The following OTOGL variants were observed in gnomAD, a reference collection of about 807,000 sequenced individuals.
The protein encoded by OTOGL is otogelin-like protein.
Under a neutral mutation model 318.5 loss-of-function variants are expected in OTOGL, and 285 were observed. That is an observed-to-expected ratio of 0.89 (90% confidence interval 0.81 to 0.99). The LOEUF (loss-of-function observed/expected upper bound fraction) is 0.99. OTOGL is among the 50% of genes least tolerant of loss of function. The pLI, the probability that OTOGL is intolerant of heterozygous loss-of-function variation, is 0.00. For synonymous variants in OTOGL, 987 were observed against 936.5 expected (o/e 1.05, Z -0.99); for missense variants, 2,899 against 2,845.6 (o/e 1.02, Z -0.43).
At chr12:80,131,867 G>A (rs1871261486) in intron 1 of OTOGL, 2 of 152,182 alleles carry the variant, frequency 1.3e-5, no homozygotes, top group African/African-American at 2.4e-5. Context: ...TAAGTATAGA[G>A]TGGGAACTCA....
intron 1 of OTOGL, among the ~76,000 whole-genome samples, chr12:80,203,971 T>C (rs1244910): frequency 0.93 from 142,295 of 152,270 alleles, 66,618 homozygotes; most frequent in East Asian, 1. Flanking sequence ...AGCTGATAAG[T>C]TTATCTTGTT....
At chr12:80,183,476 G>C (rs1875074038) in intron 1 of OTOGL, among the ~76,000 whole-genome samples, 1 of 152,192 alleles carries the variant, frequency 6.6e-6, no homozygotes, top group African/African-American at 2.4e-5. Context: ...GAATCAGGAT[G>C]TTTTTGGGAG....
intron 37 of OTOGL, among the ~76,000 whole-genome samples, chr12:80,331,892 G>A (rs559486517): frequency 1.4e-4 from 21 of 152,224 alleles, no homozygotes; most frequent in Admixed American, 6.5e-5. Context: ...GTCAGGGAAG[G>A]TGATGTGACA....
intron 1 of OTOGL, among the ~76,000 whole-genome samples, chr12:80,100,821 T>C (rs1241829964): frequency 1.3e-5 from 2 of 152,216 alleles, no homozygotes; most frequent in African/African-American, 4.8e-5. Context: ...AATCCTTTCC[T>C]ACTTTTGTTT....
intron 26 of OTOGL, among the ~76,000 whole-genome samples, chr12:80,283,494 C>T (rs185797179): frequency 2.1e-4 from 32 of 152,088 alleles, no homozygotes; most frequent in Admixed American, 2.0e-3. Flanking sequence ...TTAAGCAGCT[C>T]ATTATATTCT....
chr12:80,311,694 A>C (rs1407895006), intron 30 of OTOGL, among the ~76,000 whole-genome samples: 4 of 152,222 alleles, frequency 2.6e-5, no homozygotes, highest in Non-Finnish European at 5.9e-5. Context: ...GGCGTGAACC[A>C]CTGCGCCCGG....
chr12:80,271,531 T>A, intron 23 of OTOGL, 117 bp from the exon 24 acceptor site: 1 of 979,670 alleles, frequency 1.0e-6, no homozygotes, highest in Non-Finnish European at 1.5e-6. Flanking sequence ...GGAAGGCAGC[T>A]AACATTCTCA....
chr12:80,371,944 G>T, intron 56 of OTOGL, 75 bp from the exon 57 acceptor site: 1 of 960,270 alleles, frequency 1.0e-6, no homozygotes, highest in South Asian at 2.1e-5. Flanking sequence ...AGAAAAGTTA[G>T]TTTTCTTTTT....
chr12:80,347,672 G>T (rs959656799), intron 44 of OTOGL, among the ~76,000 whole-genome samples: 2 of 151,970 alleles, frequency 1.3e-5, no homozygotes, highest in South Asian at 2.1e-4. Context: ...GGTATTTCTG[G>T]TTCTAGATCC....
chr12:80,257,889 G>A lies in OTOGL; in HGVS notation c.1776G>A (p.Lys592=). 2.5e-6 allele frequency: 4 copies of A among 1,596,126 alleles called. No homozygotes were observed. In the South Asian group the frequency reaches 4.4e-5, roughly 18 times the overall value. Reference sequence around the variant, plus strand: ...TTCTAAAAACCACATTTGGTTTAAAGATTCTGTTTGCTATAGATGGGGAAA... The same window carrying A: ...TTCTAAAAACCACATTTGGTTTAAAAATTCTGTTTGCTATAGATGGGGAAA... ...FILLKTTFGL[K]ILFAIDGERI... is the part of the protein sequence containing the mutation. The change falls in exon 18 of 59, where the codon AAG becomes AAA. Residue 592 remains lysine, a synonymous_variant. Transcript: ENST00000547103.
In OTOGL at chr12:80,112,663, T is replaced by G. The variant is rs538409215; in HGVS notation, c.-20+13058T>G. Reference sequence around the variant, plus strand: ...CAGTTTGCCAGTATTTTATTGAGGATTTTTGCACTGATGTTCATTAGGGAT... The same window carrying G: ...CAGTTTGCCAGTATTTTATTGAGGAGTTTTGCACTGATGTTCATTAGGGAT... On this transcript the variant is annotated intron_variant, in intron 1 of 58. Coordinates refer to ENST00000547103, the MANE Select transcript of OTOGL (RefSeq NM_001378609.3). 1.9e-4 allele frequency among the ~76,000 whole-genome samples: 29 copies of G among 152,216 alleles called. 1 individual carries two copies. In the South Asian group the frequency reaches 6.0e-3, roughly 32 times the overall value.
Position 80,256,442 on chromosome 12 carries a change from C to G in OTOGL, c.1693C>G (p.Gln565Glu), listed in dbSNP as rs771888771. The G allele has an allele frequency of 1.3e-5, 21 of 1,583,154 alleles. No homozygotes were observed. In the South Asian group the frequency reaches 2.1e-4, roughly 16 times the overall value. ...RGGQILTSPN[Q>E]GFNLNGIVEI... ...AGGACAAATTCTCACTAGTCCTAACCAAGGCTTCAACCTGAATGGTAAGAA... is the reference window on the plus strand; with the variant it reads ...AGGACAAATTCTCACTAGTCCTAACGAAGGCTTCAACCTGAATGGTAAGAA... Residue 565 changes from glutamine to glutamate, a missense_variant, in exon 17 of 59, where the codon CAA becomes GAA. Coordinates refer to ENST00000547103, the MANE Select transcript of OTOGL (RefSeq NM_001378609.3).
intron 1 of OTOGL, among the ~76,000 whole-genome samples, chr12:80,107,524 T>C (rs1054953739): frequency 6.6e-6 from 1 of 152,178 alleles, no homozygotes; most frequent in Non-Finnish European, 1.5e-5. Context: ...GTTTAGCCAT[T>C]GTAGAAAGCA....
At chr12:80,130,007 C>G (rs192516404) in intron 1 of OTOGL, among the ~76,000 whole-genome samples, 1 of 152,120 alleles carries the variant, frequency 6.6e-6, no homozygotes, top group African/African-American at 2.4e-5. Context: ...CCAAGTCTTG[C>G]CTATTTTTCC....
intron 52 of OTOGL, among the ~76,000 whole-genome samples, chr12:80,363,212 T>G (rs1362926786): frequency 6.6e-6 from 1 of 152,196 alleles, no homozygotes; most frequent in Non-Finnish European, 1.5e-5. Context: ...TGAAGATAAG[T>G]TATGGGCAGT....
intron 2 of OTOGL, among the ~76,000 whole-genome samples, chr12:80,210,077 AT>A (rs987822866): frequency 1.3e-5 from 2 of 151,748 alleles, no homozygotes; most frequent in East Asian, 1.9e-4. Context: ...TTGCTATTTG[AT>A]TTTTTTTATT....
chr12:80,235,707 A>C (rs1034372087), intron 9 of OTOGL, among the ~76,000 whole-genome samples: 1 of 152,138 alleles, frequency 6.6e-6, no homozygotes, highest in African/African-American at 2.4e-5. Flanking sequence ...CTGCCAGAGG[A>C]AGACTGGCAG....
At position 80,278,260 on chromosome 12, in the gene OTOGL, C is replaced by T. The variant is rs527981723; in HGVS notation, c.2774C>T (p.Thr925Ile). ...WEYLSGEVIA[T>I]PCYTCVCRRG... ...TATCTCTCAGGAGAAGTGATTGCTACACCGTGTTACACCTGGTAAGGAGAT... is the reference window on the plus strand; with the variant it reads ...TATCTCTCAGGAGAAGTGATTGCTATACCGTGTTACACCTGGTAAGGAGAT... Residue 925 changes from threonine (T) to isoleucine (I), a missense_variant, in exon 25 of 59, where the codon ACA becomes ATA. Thr to Ile is a moderately conservative substitution (Grantham distance 89). Transcript: ENST00000547103. 40 of 1,535,780 alleles carry T rather than the reference C, an allele frequency of 2.6e-5. No individual in the cohort carries two copies. The highest frequency in any genetic ancestry group is 3.3e-5 in the Non-Finnish European group (38 of 1,134,576).
chr12:80,288,602 T>G (rs1274351918), intron 26 of OTOGL, among the ~76,000 whole-genome samples: 2 of 152,038 alleles, frequency 1.3e-5, no homozygotes, highest in Admixed American at 1.3e-4. Context: ...CTTTTCATTC[T>G]GTTTTCTCTG....
Sources: gnomAD v4.1 joint callset for allele counts (sites outside exome capture counted in the v4.1 genomes callset) on GRCh38, gnomAD v4.1.1 for gene constraint, MANE v1.5 for transcripts, NCBI Gene and HGNC (gene_info 2026-07-23, HGNC 2026-07-21) for gene names.